Variants in RUFY2 observed in about 807,000 individuals in gnomAD.
RUFY2 encodes RUN and FYVE domain-containing protein 2.
Under a neutral mutation model 94.4 loss-of-function variants are expected in RUFY2, and 49 were observed. The ratio of observed to expected loss-of-function variants is 0.52; its 90% confidence interval spans 0.41 to 0.66. The LOEUF (loss-of-function observed/expected upper bound fraction) is 0.66. Among genes scored for constraint, RUFY2 ranks in the 30% least tolerant of loss-of-function variants. The pLI is 0.00. For missense variants in RUFY2, 541 were observed against 692.8 expected, an observed-to-expected ratio of 0.78 and a Z score of 2.46; for synonymous variants, 255 against 235.7, an observed-to-expected ratio of 1.08 and a Z score of -0.75.
At position 68,381,403 on chromosome 10, in the gene RUFY2, C is replaced by T; in HGVS notation, c.940-4G>A. The stretch of plus-strand genomic sequence containing the variant: ...CTGCTAGCTCATTCTCTACATCCTG[C>T]AATTTCAATGTATCCTCAATTCACA... On this transcript the variant is annotated splice_region_variant and splice_polypyrimidine_tract_variant and intron_variant, in intron 10 of 17. Transcript: ENST00000602465. 1 of 1,605,060 alleles carries T rather than the reference C, an allele frequency of 6.2e-7. No homozygotes were observed. The highest frequency in any genetic ancestry group is 8.5e-7 in the Non-Finnish European group (1 of 1,176,906).
At chr10:68,405,462 GT>G (rs2051217357) in intron 1 of RUFY2, 3 of 977,168 alleles carry the variant, frequency 3.1e-6, no homozygotes, top group Non-Finnish European at 3.6e-6. Flanking sequence ...TAGAGAATGA[GT>G]TTTTTAAAAT....
At chr10:68,369,060 A>G (rs2048064791) in intron 13 of RUFY2, among the ~76,000 whole-genome samples, 1 of 152,214 alleles carries the variant, frequency 6.6e-6, no homozygotes, top group Non-Finnish European at 1.5e-5. Flanking sequence ...CTGCTGTGGT[A>G]GTATCAGAAA....
intron 4 of RUFY2, among the ~76,000 whole-genome samples, chr10:68,395,183 C>T (rs1036726617): frequency 1.2e-4 from 18 of 151,760 alleles, no homozygotes; most frequent in Admixed American, 2.6e-4. Flanking sequence ...ACTAAAACTA[C>T]AAAAATTAGC....
intron 9 of RUFY2, 65 bp downstream of exon 9, chr10:68,383,986 C>T: frequency 6.4e-7 from 1 of 1,574,522 alleles, no homozygotes; most frequent in Non-Finnish European, 8.7e-7. Flanking sequence ...CTACTTCATC[C>T]AAAAATCCCC....
intron 3 of RUFY2, among the ~76,000 whole-genome samples, chr10:68,399,189 G>A (rs1188624915): frequency 2.0e-5 from 3 of 151,792 alleles, no homozygotes; most frequent in East Asian, 1.9e-4. Flanking sequence ...GACTATAGGC[G>A]TGCACCACCA....
At chr10:68,383,167 A>G (rs2049212050) in intron 10 of RUFY2, among the ~76,000 whole-genome samples, 1 of 151,978 alleles carries the variant, frequency 6.6e-6, no homozygotes, top group Admixed American at 6.6e-5. Flanking sequence ...TCTATAAAAA[A>G]TACAAAAGTT....
At chr10:68,361,099 T>G (rs962108825) in intron 15 of RUFY2, among the ~76,000 whole-genome samples, 1 of 151,722 alleles carries the variant, frequency 6.6e-6, no homozygotes, top group African/African-American at 2.4e-5. Flanking sequence ...CTGGCCAACA[T>G]GGTAAAACGC....
chr10:68,397,435 A>G (rs1048048331), intron 3 of RUFY2, among the ~76,000 whole-genome samples: 36 of 152,070 alleles, frequency 2.4e-4, no homozygotes, highest in Non-Finnish European at 5.0e-4. Flanking sequence ...GAATACTTCT[A>G]TAAGAAATAT....
At chr10:68,390,603 AAG>A (rs1206096011) in intron 7 of RUFY2, among the ~76,000 whole-genome samples, 6 of 152,140 alleles carry the variant, frequency 3.9e-5, no homozygotes, top group Non-Finnish European at 8.8e-5. Flanking sequence ...TGCCAAAAAA[AAG>A]AGAGTATAAA....
chr10:68,365,714 G>C (rs534617598), intron 13 of RUFY2, among the ~76,000 whole-genome samples: 1 of 152,302 alleles, frequency 6.6e-6, no homozygotes, highest in South Asian at 2.1e-4. Flanking sequence ...TAATTATGCA[G>C]TAGAAACTTA....
At chr10:68,391,666 A>AC (rs1489457390) in intron 7 of RUFY2, among the ~76,000 whole-genome samples, 3 of 149,836 alleles carry the variant, frequency 2.0e-5, no homozygotes, top group Middle Eastern at 3.5e-3. Context: ...AAAAAAAAAA[A>AC]AAAAAAAAAA....
intron 1 of RUFY2, 38 bp downstream of exon 1, chr10:68,407,148 T>C (rs1250457827): frequency 6.7e-7 from 1 of 1,493,696 alleles, no homozygotes; most frequent in Non-Finnish European, 8.8e-7. Context: ...AGCCCGGGAC[T>C]GAGGGCCTAG....
chr10:68,368,397 C>G (rs1473975622), intron 13 of RUFY2, among the ~76,000 whole-genome samples: 1 of 144,128 alleles, frequency 6.9e-6, no homozygotes, highest in Admixed American at 6.7e-5. Context: ...CAGTGGCTCA[C>G]ACCTGTAATC....
chr10:68,404,170 T>C (rs1005534843), intron 2 of RUFY2, among the ~76,000 whole-genome samples: 67 of 152,360 alleles, frequency 4.4e-4, no homozygotes, highest in African/African-American at 1.4e-3. Flanking sequence ...AATAATTCAA[T>C]ATGTACTGAG....
At chr10:68,364,182 C>T in intron 13 of RUFY2, 69 bp from the exon 14 acceptor site, 2 of 1,422,068 alleles carry the variant, frequency 1.4e-6, no homozygotes, top group Non-Finnish European at 1.9e-6. Flanking sequence ...GTATTCTTTA[C>T]TAAAATCACC....
intron 2 of RUFY2, among the ~76,000 whole-genome samples, chr10:68,404,040 A>G (rs1590017245): frequency 6.6e-6 from 1 of 152,300 alleles, no homozygotes; most frequent in African/African-American, 2.4e-5. Context: ...AGCCCTCTAC[A>G]TAGATACTCA....
chr10:68,394,889 A>G (rs1056991447), intron 4 of RUFY2, among the ~76,000 whole-genome samples: 1 of 151,926 alleles, frequency 6.6e-6, no homozygotes, highest in African/African-American at 2.4e-5. Context: ...TCAGCATCCC[A>G]AAGTGCTGGG....
chr10:68,395,901 C>T (rs1382353370), intron 4 of RUFY2, among the ~76,000 whole-genome samples: 1 of 152,206 alleles, frequency 6.6e-6, no homozygotes, highest in East Asian at 1.9e-4. Flanking sequence ...GGCACTCTAA[C>T]AGAACAAGAA....
chr10:68,407,271 C>G lies in RUFY2; in HGVS notation c.-82G>C, dbSNP rs1038994453. ...CTTCCAGGCGCTCGGCGGCCACCAC[C>G]GCATCTGCAGCCAGGCCCGCTGCAG... On this transcript the variant is annotated 5_prime_UTR_variant, in exon 1 of 18. Transcript: ENST00000602465. The G allele has an allele frequency of 8.3e-7, 1 of 1,207,460 alleles. No homozygotes were observed. The highest frequency in any genetic ancestry group is 1.0e-6 in the Non-Finnish European group (1 of 955,308). The allele number at this position is 1,207,460 out of a possible 1,614,324, so 74.8% of individuals were successfully genotyped here.
Sources: gnomAD v4.1 joint callset for allele counts (sites outside exome capture counted in the v4.1 genomes callset) on GRCh38, gnomAD v4.1.1 for gene constraint, MANE v1.5 for transcripts, NCBI Gene and HGNC (gene_info 2026-07-23, HGNC 2026-07-21) for gene names.